The following VPS9D1 variants were observed in gnomAD, a reference collection of about 807,000 sequenced individuals.
The protein encoded by VPS9D1 is VPS9 domain containing 1.
In VPS9D1, 78 loss-of-function variants were observed where a neutral mutation model predicts 75.8. That is an observed-to-expected ratio of 1.03 (90% CI 0.86 to 1.24). The LOEUF (loss-of-function observed/expected upper bound fraction) is 1.24. VPS9D1 is among the 50% of genes most tolerant of loss of function. The pLI, the probability that VPS9D1 is intolerant of heterozygous loss-of-function variation, is 0.00. For synonymous variants in VPS9D1, 481 were observed against 385.6 expected, an observed-to-expected ratio of 1.25 and a Z score of -2.90; for missense variants, 1,057 against 847.7, an observed-to-expected ratio of 1.25 and a Z score of -3.07.
At position 89,708,928 on chromosome 16, in the gene VPS9D1, A is replaced by C. The variant is rs925037154; in HGVS notation, c.1626T>G (p.Cys542Trp). 4.4e-6 allele frequency: 7 copies of C among 1,604,558 alleles called. No individual in the cohort carries two copies. In the African/African-American group the frequency reaches 9.4e-5, roughly 21 times the overall value. The change falls in exon 13 of 15, where the codon TGT becomes TGG. Residue 542 changes from cysteine (C) to tryptophan (W), a missense_variant. By Grantham distance (215) the Cys-to-Trp change is radical (BLOSUM62 -2). Transcript: ENST00000389386. ...IVRTLRIICV[C>W]AEDYCPTPEA... ...CTGGGGTGGGGCAGTAGTCTTCCGC[A>C]CAGACACAGATGATCCGCAGGGTCC...
At chr16:89,720,462 T>A in intron 1 of VPS9D1, 1 of 1,083,338 alleles carries the variant, frequency 9.2e-7, no homozygotes, top group Non-Finnish European at 1.1e-6. Flanking sequence ...ACTCGGATTT[T>A]GGAAGGTGGC....
intron 1 of VPS9D1, 60 bp downstream of exon 1, chr16:89,720,703 G>T: frequency 7.5e-7 from 1 of 1,337,722 alleles, no homozygotes; most frequent in South Asian, 1.9e-5. Flanking sequence ...GCCCTCCCCG[G>T]GCGGGGGTCC....
chr16:89,712,911 C>G lies in VPS9D1; in HGVS notation c.432-195G>C, dbSNP rs537250898. On this transcript the variant is annotated intron_variant, in intron 4 of 14. Transcript: ENST00000389386. Reference sequence around the variant, plus strand: ...CCAAAACACAGGTTTTGGCCAGGTGCAGTGGCTCCCGCCTCTAATGCCAGC... The same window carrying G: ...CCAAAACACAGGTTTTGGCCAGGTGGAGTGGCTCCCGCCTCTAATGCCAGC... The G allele has an allele frequency of 7.9e-6, 4 of 504,580 alleles. No individual in the cohort carries two copies. In the East Asian group the frequency reaches 1.4e-4, roughly 18 times the overall value. The allele number at this position is 504,580 out of a possible 1,614,324, so 31.3% of individuals were successfully genotyped here.
intron 4 of VPS9D1, 61 bp downstream of exon 4, chr16:89,716,401 C>G: frequency 2.5e-6 from 4 of 1,601,884 alleles, no homozygotes; most frequent in East Asian, 2.2e-5. Flanking sequence ...ATCAGCTCAT[C>G]TTTCTCAGCC....
Position 89,711,966 on chromosome 16 carries a change from C to A in VPS9D1, c.663G>T (p.Arg221Ser). 5.8e-6 allele frequency: 9 copies of A among 1,550,922 alleles called. No individual in the cohort carries two copies. The highest frequency in any genetic ancestry group is 7.8e-6 in the Non-Finnish European group (9 of 1,146,830). Reference sequence around the variant, plus strand: ...GGGTCAGGGCGACTTGGCTGCAAAACCTCCTGGGGAGAAAGGCACGCGGTG... The same window carrying A: ...GGGTCAGGGCGACTTGGCTGCAAAAACTCCTGGGGAGAAAGGCACGCGGTG... ...RLRLQEAANR[R>S]FCSQVALTPE... The change falls in exon 8 of 15, where the codon AGG becomes AGT. Residue 221 changes from arginine (R) to serine (S), a missense_variant. By Grantham distance (110) the Arg-to-Ser change is moderately radical. Transcript: ENST00000389386.
rs561319065 is a variant in VPS9D1, at chr16:89,711,942, G to C, written c.687C>G (p.Thr229=). ...GGGCCCGCTGCTCCCGTTCCTCCGGGGTCAGGGCGACTTGGCTGCAAAACC... is the reference window on the plus strand; with the variant it reads ...GGGCCCGCTGCTCCCGTTCCTCCGGCGTCAGGGCGACTTGGCTGCAAAACC... The part of the protein sequence containing the change: ...NRRFCSQVAL[T]PEEREQRALY... Residue 229 remains threonine, a synonymous_variant, in exon 8 of 15, where the codon ACC becomes ACG. Transcript: ENST00000389386. 8.4e-6 allele frequency: 13 copies of C among 1,551,466 alleles called. No individual in the cohort carries two copies. The highest frequency in any genetic ancestry group is 1.1e-5 in the Non-Finnish European group (13 of 1,147,090).
chr16:89,709,106 T>C, intron 12 of VPS9D1, 121 bp downstream of exon 12: 5 of 1,404,790 alleles, frequency 3.6e-6, no homozygotes, highest in Non-Finnish European at 4.8e-6. Flanking sequence ...CCACTTTTGT[T>C]CTGGTCCCCC....
chr16:89,715,384 G>A (rs1475105671), intron 4 of VPS9D1, among the ~76,000 whole-genome samples: 2 of 151,608 alleles, frequency 1.3e-5, no homozygotes, highest in Admixed American at 6.6e-5. Context: ...CCGCCACCAC[G>A]CCCAGCTAAT....
At chr16:89,719,341 G>C (rs1410144409) in intron 1 of VPS9D1, 5 of 606,328 alleles carry the variant, frequency 8.2e-6, no homozygotes, top group South Asian at 1.5e-5. Flanking sequence ...CTGAGAGAGA[G>C]AGAGAGCCAG....
chr16:89,708,180 C>T (rs1377337140), intron 14 of VPS9D1, among the ~76,000 whole-genome samples: 1 of 152,222 alleles, frequency 6.6e-6, no homozygotes, highest in Admixed American at 6.5e-5. Context: ...CCTCCCCAGG[C>T]AGATGCTGCT....
intron 5 of VPS9D1, 33 bp downstream of exon 5, chr16:89,712,572 C>G: frequency 2.5e-6 from 4 of 1,608,634 alleles, no homozygotes; most frequent in Non-Finnish European, 3.4e-6. Flanking sequence ...CCCGCGCCCA[C>G]GCACCCCCAG....
intron 1 of VPS9D1, among the ~76,000 whole-genome samples, chr16:89,719,659 ACCTTTC>A (rs1195376635): frequency 1.3e-5 from 2 of 152,124 alleles, no homozygotes; most frequent in African/African-American, 2.4e-5. Context: ...TAGAACTGTT[ACCTTTC>A]AAGGCTGTGT....
rs767743513 is a variant in VPS9D1, at chr16:89,719,091, C to T, written c.111G>A (p.Thr37=). The T allele has an allele frequency of 7.4e-6, 12 of 1,613,426 alleles. No individual in the cohort carries two copies. The East Asian group carries it at 1.1e-4, about 15-fold the overall frequency. The change falls in exon 2 of 15, where the codon ACG becomes ACA. Residue 37 remains threonine, a synonymous_variant. Transcript: ENST00000389386. ...DTGNRPREAY[T]EYLRSIHYIS... ...TATAGTGGATGCTCCTCAGGTATTC[C>T]GTGTATGCCTCCTGTGTCCAGGAAA...
intron 8 of VPS9D1, 28 bp from the exon 9 acceptor site, chr16:89,711,440 G>T: frequency 6.3e-7 from 1 of 1,581,474 alleles, no homozygotes; most frequent in Non-Finnish European, 8.6e-7. Flanking sequence ...TTGAAGGAAA[G>T]CACGGTGGGT....
chr16:89,711,113 T>G, intron 9 of VPS9D1, 103 bp from the exon 10 acceptor site: 2 of 1,283,100 alleles, frequency 1.6e-6, no homozygotes, highest in Non-Finnish European at 2.1e-6. Context: ...TTGCATTACC[T>G]CCTGACAGTG....
In VPS9D1 at chr16:89,712,939, T is replaced by C. The variant is rs2151629038; in HGVS notation, c.432-223A>G. On this transcript the variant is annotated intron_variant, in intron 4 of 14. Coordinates refer to ENST00000389386, the MANE Select transcript of VPS9D1 (RefSeq NM_004913.3). ...TGGCTCCCGCCTCTAATGCCAGCAC[T>C]TTAGGAGGCTAAGGCCGGGCGGATC... is the stretch of plus-strand genomic sequence containing the variant. 9.1e-6 allele frequency: 4 copies of C among 441,206 alleles called. No individual in the cohort carries two copies. The South Asian group carries it at 1.4e-4, about 16-fold the overall frequency. 27.3% of individuals were successfully genotyped at this position (441,206 alleles called of 1,614,324 possible). A position where few individuals can be genotyped will look rare whatever the true frequency, so the allele number is the denominator to read the frequency against.
Position 89,718,871 on chromosome 16 carries a change from G to A in VPS9D1, c.175+156C>T, listed in dbSNP as rs550177801. On this transcript the variant is annotated intron_variant, in intron 2 of 14. Transcript: ENST00000389386. ...TGGGACTACAGACACCCGCCACCAG[G>A]CCCAGCTGATTTTTTAGATTTTTAG... Among the ~76,000 whole-genome samples the A allele has an allele frequency of 5.7e-4, 86 of 152,148 alleles. 3 individuals are homozygous for A. In the South Asian group the frequency reaches 0.017, roughly 30 times the overall value.
intron 13 of VPS9D1, 31 bp from the exon 14 acceptor site, chr16:89,708,562 G>C: frequency 6.3e-7 from 1 of 1,598,024 alleles, no homozygotes; most frequent in Non-Finnish European, 8.5e-7. Flanking sequence ...CCTTGGGTTG[G>C]GGCCAGGAGC....
intron 1 of VPS9D1, among the ~76,000 whole-genome samples, chr16:89,719,696 G>C (rs987301244): frequency 1.3e-5 from 2 of 152,116 alleles, no homozygotes; most frequent in African/African-American, 4.8e-5. Context: ...ACAAGGCACA[G>C]GTCATTGGAA....
Sources: allele counts gnomAD v4.1 joint callset (sites outside exome capture counted in the v4.1 genomes callset), GRCh38; gene constraint gnomAD v4.1.1; transcripts MANE v1.5; gene names NCBI Gene and HGNC (gene_info 2026-07-23, HGNC 2026-07-21).